Variants in CADM2 observed in about 807,000 individuals in gnomAD.
CADM2 encodes immunoglobulin superfamily member 4D.
A neutral mutation model predicts 49.8 loss-of-function variants in CADM2; 12 were observed. The ratio of observed to expected loss-of-function variants is 0.24; its 90% CI spans 0.15 to 0.39. The LOEUF (loss-of-function observed/expected upper bound fraction) is 0.39, where lower values mean the gene tolerates loss of function less well. Ranked by LOEUF, CADM2 falls within the 10% of genes least tolerant of loss-of-function variation. The pLI, the probability that CADM2 is intolerant of heterozygous loss-of-function variation, is 1.00. For missense variants in CADM2, 378 were observed against 492.3 expected (o/e 0.77, Z 2.20); for synonymous variants, 214 against 175.4 (o/e 1.22, Z -1.74).
At chr3:85,567,510 G>T (rs1001782246) in intron 1 of CADM2, among the ~76,000 whole-genome samples, 1 of 152,194 alleles carries the variant, frequency 6.6e-6, no homozygotes, top group African/African-American at 2.4e-5. Flanking sequence ...AAAGTATAAA[G>T]GTCTTAGAGA....
At chr3:85,380,554 A>C (rs1378967056) in intron 1 of CADM2, among the ~76,000 whole-genome samples, 2 of 151,942 alleles carry the variant, frequency 1.3e-5, no homozygotes, top group Non-Finnish European at 2.9e-5. Flanking sequence ...ACAATGATAT[A>C]CTTGAAATAA....
At chr3:85,245,808 C>T (rs761631003) in intron 1 of CADM2, among the ~76,000 whole-genome samples, 1 of 152,138 alleles carries the variant, frequency 6.6e-6, no homozygotes, top group Non-Finnish European at 1.5e-5. Context: ...GTGCTGCTTG[C>T]TTTGACTGCA....
intron 1 of CADM2, among the ~76,000 whole-genome samples, chr3:85,291,046 T>C (rs976485053): frequency 1.1e-4 from 17 of 152,036 alleles, no homozygotes; most frequent in African/African-American, 3.6e-4. Context: ...TTTTAAAAAA[T>C]TTAGAAGAAT....
At chr3:85,297,636 A>C (rs894861583) in intron 1 of CADM2, among the ~76,000 whole-genome samples, 1 of 151,882 alleles carries the variant, frequency 6.6e-6, no homozygotes, top group African/African-American at 2.4e-5. Flanking sequence ...TATTTTGCCT[A>C]GGCCTCCTCA....
intron 1 of CADM2, among the ~76,000 whole-genome samples, chr3:85,027,260 G>C (rs1484004261): frequency 6.6e-6 from 1 of 151,222 alleles, no homozygotes; most frequent in Non-Finnish European, 1.5e-5. Context: ...GACGTCAAGC[G>C]CCCGCCACCA....
chr3:85,753,535 TG>T (rs11303816), intron 2 of CADM2, among the ~76,000 whole-genome samples: 15,779 of 152,146 alleles, frequency 0.1, 916 homozygotes, highest in South Asian at 0.12. Flanking sequence ...ACACACACAC[TG>T]TACACAACCT....
intron 1 of CADM2, among the ~76,000 whole-genome samples, chr3:85,336,110 T>A (rs534071862): frequency 2.0e-5 from 3 of 151,596 alleles, no homozygotes; most frequent in Admixed American, 6.6e-5. Flanking sequence ...AGCTCTTATC[T>A]TTGACGTCAT....
intron 1 of CADM2, among the ~76,000 whole-genome samples, chr3:85,667,666 G>A (rs1185054810): frequency 6.6e-6 from 1 of 152,024 alleles, no homozygotes; most frequent in Non-Finnish European, 1.5e-5. Flanking sequence ...TACTCAGGGA[G>A]TATTCTGATT....
At chr3:85,961,060 TATATTTATATATAAATATAA>T (rs1177299942) in intron 7 of CADM2, among the ~76,000 whole-genome samples, 3 of 147,314 alleles carry the variant, frequency 2.0e-5, no homozygotes, top group East Asian at 2.0e-4. Flanking sequence ...ATAAAAATTA[TATATTTATATATAAATATAA>T]ATATTTATAT....
chr3:85,381,814 T>C (rs1291417620), intron 1 of CADM2, among the ~76,000 whole-genome samples: 1 of 151,980 alleles, frequency 6.6e-6, no homozygotes, highest in African/African-American at 2.4e-5. Context: ...TGTAAGGATG[T>C]CTCTACCTTT....
Position 85,026,223 on chromosome 3 carries a change from T to A in CADM2, c.61+66555T>A, listed in dbSNP as rs188841690. ...ATACATTGACTTCCAAAAATATTTT[T>A]AAAATATTTTGCACTAATTTCCATT... On this transcript the variant is annotated intron_variant, in intron 1 of 9. Transcript: ENST00000383699. 2.9e-3 allele frequency among the ~76,000 whole-genome samples: 439 copies of A among 152,350 alleles called. 6 individuals carry two copies. Among genetic ancestry groups the A allele is most frequent in the African/African-American group, 0.01 (425 of 41,588 alleles).
chr3:85,900,949 T>C (rs1215569126), intron 5 of CADM2, among the ~76,000 whole-genome samples: 1 of 152,238 alleles, frequency 6.6e-6, no homozygotes, highest in East Asian at 1.9e-4. Flanking sequence ...ATGACCTTCT[T>C]TGAATGCATA....
chr3:85,686,029 T>A (rs1209463063), intron 1 of CADM2, among the ~76,000 whole-genome samples: 1 of 152,238 alleles, frequency 6.6e-6, no homozygotes, highest in East Asian at 1.9e-4. Context: ...ATGGTATTTG[T>A]TTCTGTTTAG....
At chr3:85,301,345 C>T (rs1003742709) in intron 1 of CADM2, among the ~76,000 whole-genome samples, 1 of 151,858 alleles carries the variant, frequency 6.6e-6, no homozygotes, top group African/African-American at 2.4e-5. Context: ...GAATAGTATT[C>T]GTGTTTCCCA....
chr3:86,005,958 AG>A (rs1428363332), intron 8 of CADM2, among the ~76,000 whole-genome samples: 1 of 152,188 alleles, frequency 6.6e-6, no homozygotes, highest in Non-Finnish European at 1.5e-5. Context: ...CAAATAAGTG[AG>A]AACATGCAGT....
rs564779764 is a variant in CADM2, at chr3:85,227,966, C to A, written c.61+268298C>A. On this transcript the variant is annotated intron_variant, in intron 1 of 9. Coordinates refer to ENST00000383699, the MANE Select transcript of CADM2 (RefSeq NM_001167675.2). ...TTTAAGAATGTTGAATATTGGCCCCCATTCTCTTCTGGCTTATAGAGTTTC... is the reference window on the plus strand; with the variant it reads ...TTTAAGAATGTTGAATATTGGCCCCAATTCTCTTCTGGCTTATAGAGTTTC... Among the ~76,000 whole-genome samples the A allele has an allele frequency of 2.0e-5, 3 of 152,268 alleles. No individual in the cohort carries two copies. In the East Asian group the frequency reaches 5.8e-4, roughly 29 times the overall value.
intron 1 of CADM2, among the ~76,000 whole-genome samples, chr3:85,239,917 T>G (rs932824635): frequency 7.9e-5 from 12 of 151,480 alleles, no homozygotes; most frequent in Non-Finnish European, 1.6e-4. Context: ...AATTTAAGTA[T>G]TAATTCCCAT....
intron 2 of CADM2, among the ~76,000 whole-genome samples, chr3:85,736,216 T>G (rs943873285): frequency 6.6e-6 from 1 of 152,172 alleles, no homozygotes; most frequent in Admixed American, 6.5e-5. Flanking sequence ...ATGCTCTTCA[T>G]AAGTCAAGAT....
chr3:85,172,997 CTT>C (rs1160127798), intron 1 of CADM2, among the ~76,000 whole-genome samples: 1 of 137,304 alleles, frequency 7.3e-6, no homozygotes, highest in African/African-American at 2.7e-5. Context: ...TATCTAATAC[CTT>C]TTTTTTTTTT....
Sources: gnomAD v4.1 joint callset for allele counts (sites outside exome capture counted in the v4.1 genomes callset) on GRCh38, gnomAD v4.1.1 for gene constraint, MANE v1.5 for transcripts, NCBI Gene and HGNC (gene_info 2026-07-23, HGNC 2026-07-21) for gene names.